The following RAP1A variants were observed in gnomAD, a reference collection of about 807,000 sequenced individuals.
RAP1A encodes RAP1A, member of RAS oncogene family, also known as ras-related protein Rap-1A.
A neutral mutation model predicts 26.4 loss-of-function variants in RAP1A; 6 were observed. The ratio of observed to expected loss-of-function variants is 0.23; its 90% CI spans 0.12 to 0.45. The LOEUF (loss-of-function observed/expected upper bound fraction) is 0.45, where lower values mean the gene tolerates loss of function less well. Ranked by LOEUF, RAP1A falls within the 20% of genes least tolerant of loss-of-function variation. The pLI, the probability that RAP1A is intolerant of heterozygous loss-of-function variation, is 0.99. For synonymous variants in RAP1A, 73 were observed against 79.4 expected, an observed-to-expected ratio of 0.92 and a Z score of 0.43; for missense variants, 121 against 217.2, an observed-to-expected ratio of 0.56 and a Z score of 2.78.
chr1:111,705,158 A>G (rs1266885173), intron 6 of RAP1A, among the ~76,000 whole-genome samples: 4 of 152,186 alleles, frequency 2.6e-5, no homozygotes, highest in African/African-American at 7.2e-5. Flanking sequence ...ATTTAGAGCA[A>G]TTTCCAACTG....
At chr1:111,554,249 G>A (rs946483734) in intron 1 of RAP1A, among the ~76,000 whole-genome samples, 13 of 152,150 alleles carry the variant, frequency 8.5e-5, no homozygotes, top group African/African-American at 2.4e-4. Context: ...GAAACATCCC[G>A]GAGTTTAGAA....
At chr1:111,663,276 C>T (rs567699275) in intron 1 of RAP1A, among the ~76,000 whole-genome samples, 1 of 152,300 alleles carries the variant, frequency 6.6e-6, no homozygotes, top group African/African-American at 2.4e-5. Context: ...ATTTCCCTCA[C>T]TTCCCCCAGT....
At chr1:111,594,395 G>A (rs1482710000) in intron 1 of RAP1A, among the ~76,000 whole-genome samples, 3 of 152,096 alleles carry the variant, frequency 2.0e-5, no homozygotes, top group Non-Finnish European at 2.9e-5. Context: ...CAAGGGAATT[G>A]CTTGAGCCCA....
chr1:111,697,264 T>G (rs1571569693), intron 3 of RAP1A, among the ~76,000 whole-genome samples, 177 bp from the exon 4 acceptor site: 1 of 152,268 alleles, frequency 6.6e-6, no homozygotes, highest in East Asian at 1.9e-4. Flanking sequence ...ATGAATAGAC[T>G]GTACTTGAGA....
intron 1 of RAP1A, among the ~76,000 whole-genome samples, chr1:111,672,002 AT>A: frequency 6.6e-6 from 1 of 152,266 alleles, no homozygotes. Flanking sequence ...TTGAGACTTG[AT>A]TTATGGCTCA....
At chr1:111,627,240 T>G (rs1365975710) in intron 1 of RAP1A, among the ~76,000 whole-genome samples, 1 of 152,206 alleles carries the variant, frequency 6.6e-6, no homozygotes, top group Admixed American at 6.5e-5. Context: ...TTTTCCAGTT[T>G]ATTCCTTGCA....
intron 1 of RAP1A, among the ~76,000 whole-genome samples, chr1:111,556,751 A>G (rs1013112031): frequency 1.3e-5 from 2 of 152,122 alleles, no homozygotes; most frequent in Non-Finnish European, 2.9e-5. Context: ...AGGAGTGGAT[A>G]GTTAGTGTTT....
chr1:111,560,874 G>T (rs528802384), intron 1 of RAP1A, among the ~76,000 whole-genome samples: 1 of 152,260 alleles, frequency 6.6e-6, no homozygotes, highest in East Asian at 1.9e-4. Flanking sequence ...TCCTTGCCAG[G>T]CCTTTCCTCT....
At chr1:111,607,749 T>A in intron 1 of RAP1A, among the ~76,000 whole-genome samples, 1 of 128,280 alleles carries the variant, frequency 7.8e-6, no homozygotes, top group African/African-American at 3.0e-5. Context: ...GGCTCCTCAC[T>A]TCCCAGTAGG....
At chr1:111,638,263 G>C (rs1233930997) in intron 1 of RAP1A, among the ~76,000 whole-genome samples, 1 of 152,004 alleles carries the variant, frequency 6.6e-6, no homozygotes, top group African/African-American at 2.4e-5. Context: ...ATAGTAATTT[G>C]TCCATTCTTC....
chr1:111,587,114 T>G (rs17028048), intron 1 of RAP1A, among the ~76,000 whole-genome samples: 3 of 151,968 alleles, frequency 2.0e-5, no homozygotes, highest in Non-Finnish European at 4.4e-5. Flanking sequence ...TTTCCACCAT[T>G]CTATGACATC....
intron 1 of RAP1A, among the ~76,000 whole-genome samples, chr1:111,575,593 A>G (rs530160991): frequency 1.3e-5 from 2 of 152,140 alleles, no homozygotes; most frequent in Admixed American, 6.5e-5. Flanking sequence ...AACCCCCAAT[A>G]CCTCCAAGTG....
intron 1 of RAP1A, among the ~76,000 whole-genome samples, chr1:111,545,286 AT>A (rs1290159105): frequency 6.6e-6 from 1 of 151,508 alleles, no homozygotes; most frequent in Non-Finnish European, 1.5e-5. Flanking sequence ...GCCAACACTT[AT>A]TTTTCCTTTT....
chr1:111,623,711 A>G (rs1659296899), intron 1 of RAP1A, among the ~76,000 whole-genome samples: 1 of 152,184 alleles, frequency 6.6e-6, no homozygotes, highest in Non-Finnish European at 1.5e-5. Context: ...TTTTTGTTAA[A>G]TAGGTCAACA....
intron 1 of RAP1A, among the ~76,000 whole-genome samples, chr1:111,658,480 A>T (rs1274900958): frequency 6.6e-6 from 1 of 152,186 alleles, no homozygotes; most frequent in Non-Finnish European, 1.5e-5. Flanking sequence ...TCTGTTAAAA[A>T]AAATTTCCTT....
At position 111,714,528 on chromosome 1, in the gene RAP1A, G is replaced by A. The variant is rs1662476083; in HGVS notation, c.*2127G>A. 6.6e-6 allele frequency: 1 copy of A among 152,202 alleles called. No individual in the cohort carries two copies. The highest frequency in any genetic ancestry group is 2.4e-5 in the African/African-American group (1 of 41,452). 9.4% of individuals were successfully genotyped at this position (152,202 alleles called of 1,614,324 possible). On this transcript the variant is annotated 3_prime_UTR_variant, in exon 8 of 8. Transcript: ENST00000369709. ...TCAGTCTATTCTATTTTAGAATGTG[G>A]TGGAGAAAGATGATAGTTATTAGAT...
At chr1:111,708,745 A>G (rs1185552680) in intron 6 of RAP1A, among the ~76,000 whole-genome samples, 2 of 152,202 alleles carry the variant, frequency 1.3e-5, no homozygotes, top group Non-Finnish European at 2.9e-5. Context: ...CTACTCTCAG[A>G]TGATTCAGAA....
chr1:111,593,652 CTTTTTTTTTTTTTT>C (rs994763442), intron 1 of RAP1A, among the ~76,000 whole-genome samples: 3 of 65,378 alleles, frequency 4.6e-5, no homozygotes, highest in African/African-American at 1.2e-4. Context: ...ATGACTCCTA[CTTTTTTTTTTTTTT>C]TTTTTTTTTT....
At chr1:111,629,649 A>G (rs1659508752) in intron 1 of RAP1A, among the ~76,000 whole-genome samples, 1 of 152,160 alleles carries the variant, frequency 6.6e-6, no homozygotes, top group South Asian at 2.1e-4. Context: ...CTTCCCTTTA[A>G]AACTATCCTT....
Sources: allele counts gnomAD v4.1 joint callset (sites outside exome capture counted in the v4.1 genomes callset), GRCh38; gene constraint gnomAD v4.1.1; transcripts MANE v1.5; gene names NCBI Gene and HGNC (gene_info 2026-07-23, HGNC 2026-07-21).